The following ADAMTSL1 variants were observed in gnomAD, a reference collection of about 807,000 sequenced individuals.
ADAMTSL1 encodes ADAMTS like 1, also known as ADAMTS-like protein 1.
A neutral mutation model predicts 201.8 loss-of-function variants in ADAMTSL1; 126 were observed. The observed-to-expected ratio is 0.62, with a 90% confidence interval of 0.54 to 0.72. The LOEUF (loss-of-function observed/expected upper bound fraction) is 0.72, where lower values mean the gene tolerates loss of function less well. ADAMTSL1 is among the 30% of genes least tolerant of loss of function. The pLI, the probability that ADAMTSL1 is intolerant of heterozygous loss-of-function variation, is 0.00. For synonymous variants in ADAMTSL1, 1,121 were observed against 903.4 expected (o/e 1.24, Z -4.32); for missense variants, 2,679 against 2,277.8 (o/e 1.18, Z -3.59).
In ADAMTSL1 at chr9:18,910,381, A is replaced by AAAACT. The variant is rs1258358086; in HGVS notation, c.*1835_*1839dup. On this transcript the variant is annotated 3_prime_UTR_variant, in exon 29 of 29. Transcript: ENST00000380548. ...TAATTGTACATTGTCATCCAGAAAC[A>AAAACT]AAACTATTGGGGGGACTTTATTAAC... 2.0e-5 allele frequency: 3 copies of AAAACT among 152,194 alleles called. No homozygotes were observed. Among genetic ancestry groups the AAAACT allele is most frequent in the South Asian group, 2.1e-4 (1 of 4,828 alleles). 9.4% of individuals were successfully genotyped at this position (152,194 alleles called of 1,614,324 possible).
At chr9:18,051,309 A>T (rs753092151) in intron 1 of ADAMTSL1, among the ~76,000 whole-genome samples, 29 of 152,228 alleles carry the variant, frequency 1.9e-4, no homozygotes, top group Middle Eastern at 3.4e-3. Flanking sequence ...TCAAAAAAAA[A>T]ATTATATATA....
chr9:18,581,838 TG>T (rs1008711047), intron 4 of ADAMTSL1, among the ~76,000 whole-genome samples: 1 of 152,220 alleles, frequency 6.6e-6, no homozygotes, highest in African/African-American at 2.4e-5. Context: ...CTTCAATCTA[TG>T]TGCCTGCCAA....
At chr9:18,331,621 C>G (rs554363559) in intron 2 of ADAMTSL1, among the ~76,000 whole-genome samples, 1 of 152,220 alleles carries the variant, frequency 6.6e-6, no homozygotes, top group South Asian at 2.1e-4. Flanking sequence ...AGAGGTTGAA[C>G]TATCCATTAG....
At chr9:18,399,632 T>C (rs1479820596) in intron 2 of ADAMTSL1, among the ~76,000 whole-genome samples, 1 of 152,060 alleles carries the variant, frequency 6.6e-6, no homozygotes, top group African/African-American at 2.4e-5. Context: ...ATTACAGGCA[T>C]GAGCCACCGC....
intron 1 of ADAMTSL1, among the ~76,000 whole-genome samples, chr9:18,072,378 G>A (rs760985126): frequency 1.3e-5 from 2 of 152,128 alleles, no homozygotes; most frequent in Non-Finnish European, 2.9e-5. Flanking sequence ...CCTGGAGAGT[G>A]CTACTCACCC....
chr9:18,109,318 A>G lies in ADAMTSL1; in HGVS notation c.88-54544A>G, dbSNP rs189097249. On this transcript the variant is annotated intron_variant, in intron 1 of 29. Coordinates refer to the ADAMTSL1 transcript ENST00000680146. ...TGCCAGGAATCCCTCGGAAGGACCC[A>G]GGTGTTTACTCCTAATCAGCAGGTC... 1.1e-3 allele frequency among the ~76,000 whole-genome samples: 171 copies of G among 152,296 alleles called. No individual in the cohort carries two copies. The Middle Eastern group carries it at 0.024, about 21-fold the overall frequency.
intron 2 of ADAMTSL1, among the ~76,000 whole-genome samples, chr9:18,367,590 T>C (rs1405542517): frequency 6.6e-6 from 1 of 151,962 alleles, no homozygotes; most frequent in African/African-American, 2.4e-5. Context: ...TATATATATA[T>C]GATAGCTATG....
intron 1 of ADAMTSL1, among the ~76,000 whole-genome samples, chr9:17,922,132 T>C (rs939822740): frequency 1.3e-5 from 2 of 149,828 alleles, no homozygotes; most frequent in Non-Finnish European, 3.0e-5. Context: ...GTGAAATGAA[T>C]GGGAAATAAT....
intron 2 of ADAMTSL1, among the ~76,000 whole-genome samples, chr9:18,339,879 C>T (rs1835398456): frequency 6.6e-6 from 1 of 152,108 alleles, no homozygotes; most frequent in Non-Finnish European, 1.5e-5. Context: ...TCATTTTCTG[C>T]CCCATCTCTC....
At chr9:18,150,379 T>G (rs554179187) in intron 1 of ADAMTSL1, among the ~76,000 whole-genome samples, 68 of 152,128 alleles carry the variant, frequency 4.5e-4, no homozygotes, top group African/African-American at 1.6e-3. Context: ...TAGGTCACAA[T>G]TCATGCAGGT....
At chr9:18,203,594 T>C (rs1353680124) in intron 2 of ADAMTSL1, among the ~76,000 whole-genome samples, 2 of 151,770 alleles carry the variant, frequency 1.3e-5, no homozygotes, top group African/African-American at 2.4e-5. Flanking sequence ...TAAAACATAG[T>C]TGATTATATA....
intron 3 of ADAMTSL1, among the ~76,000 whole-genome samples, chr9:18,562,364 G>A (rs947935614): frequency 6.6e-6 from 1 of 152,176 alleles, no homozygotes; most frequent in Non-Finnish European, 1.5e-5. Context: ...CTTCTGGCTT[G>A]TAGGGTTTCT....
chr9:18,561,191 A>G (rs1046476917), intron 3 of ADAMTSL1, among the ~76,000 whole-genome samples: 1 of 152,090 alleles, frequency 6.6e-6, no homozygotes, highest in Non-Finnish European at 1.5e-5. Flanking sequence ...TTCCCTCTAC[A>G]CACTGCTTTA....
intron 1 of ADAMTSL1, among the ~76,000 whole-genome samples, chr9:18,162,648 G>A (rs1827445004): frequency 6.6e-6 from 1 of 151,724 alleles, no homozygotes. Flanking sequence ...AAGACATACG[G>A]TTTAAAATGA....
intron 1 of ADAMTSL1, among the ~76,000 whole-genome samples, chr9:17,990,142 A>G (rs142544447): frequency 1.6e-4 from 24 of 152,146 alleles, no homozygotes; most frequent in African/African-American, 5.8e-4. Context: ...GTTTATTAAA[A>G]TAAGTAATAT....
intron 15 of ADAMTSL1, among the ~76,000 whole-genome samples, chr9:18,740,832 G>C (rs1028969509): frequency 1.5e-4 from 23 of 152,026 alleles, no homozygotes; most frequent in African/African-American, 5.6e-4. Flanking sequence ...TTCCCTGAAG[G>C]CTTCATGGAA....
At chr9:18,734,048 G>A (rs1229901404) in intron 15 of ADAMTSL1, among the ~76,000 whole-genome samples, 2 of 152,126 alleles carry the variant, frequency 1.3e-5, no homozygotes, top group African/African-American at 4.8e-5. Flanking sequence ...GTAAATCAGG[G>A]TTAAAATCCA....
chr9:18,538,379 T>C (rs1819925232), intron 3 of ADAMTSL1, among the ~76,000 whole-genome samples: 1 of 152,118 alleles, frequency 6.6e-6, no homozygotes, highest in African/African-American at 2.4e-5. Context: ...TCATGGCAAG[T>C]TTATAATTTC....
At chr9:18,550,254 T>C (rs983246901) in intron 3 of ADAMTSL1, among the ~76,000 whole-genome samples, 1 of 151,654 alleles carries the variant, frequency 6.6e-6, no homozygotes, top group African/African-American at 2.4e-5. Context: ...ACTTCTGTAA[T>C]TAAGGTTGCA....
Sources: allele counts gnomAD v4.1 joint callset (sites outside exome capture counted in the v4.1 genomes callset), GRCh38; gene constraint gnomAD v4.1.1; transcripts MANE v1.5; gene names NCBI Gene and HGNC (gene_info 2026-07-23, HGNC 2026-07-21).